Variants in CDH13 observed in about 807,000 individuals in gnomAD.
CDH13 encodes cadherin 13, also known as cadherin-13.
Under a neutral mutation model 63.8 loss-of-function variants are expected in CDH13, and 24 were observed. The observed-to-expected ratio is 0.38, with a 90% CI of 0.27 to 0.53. CDH13 has a LOEUF of 0.53. CDH13 is among the 20% of genes least tolerant of loss of function. The pLI is 0.85. For synonymous variants in CDH13, 503 were observed against 355.3 expected (o/e 1.42, Z -4.67); for missense variants, 1,049 against 903.1 (o/e 1.16, Z -2.07).
chr16:83,203,056 C>T lies in CDH13; in HGVS notation c.484-14289C>T, dbSNP rs149301551. Among the ~76,000 whole-genome samples the T allele has an allele frequency of 2.1e-4, 32 of 152,052 alleles. 1 individual carries two copies. The highest frequency in any genetic ancestry group is 7.0e-4 in the African/African-American group (29 of 41,448). On this transcript the variant is annotated intron_variant, in intron 4 of 13. Coordinates refer to ENST00000567109, the MANE Select transcript of CDH13 (RefSeq NM_001257.5). The stretch of plus-strand genomic sequence containing the variant: ...GCCTGACCACCATGGAGAAACCCAT[C>T]TCTACTGAAAATACAAAATTAGCCA...
chr16:83,372,681 G>A (rs2091391090), intron 6 of CDH13, among the ~76,000 whole-genome samples: 1 of 150,554 alleles, frequency 6.6e-6, no homozygotes, highest in Non-Finnish European at 1.5e-5. Context: ...GAATCCGGGA[G>A]GCAGAGGTTG....
At chr16:83,477,174 G>T (rs1045583491) in intron 6 of CDH13, among the ~76,000 whole-genome samples, 1 of 152,198 alleles carries the variant, frequency 6.6e-6, no homozygotes, top group East Asian at 1.9e-4. Flanking sequence ...TAATCACAAG[G>T]TGGTCCTGTT....
chr16:83,722,655 C>G (rs1408909905), intron 10 of CDH13, among the ~76,000 whole-genome samples: 1 of 152,214 alleles, frequency 6.6e-6, no homozygotes, highest in Non-Finnish European at 1.5e-5. Context: ...ACTGAGCCAA[C>G]TGCACTGATG....
intron 1 of CDH13, among the ~76,000 whole-genome samples, chr16:82,813,096 G>T (rs1198859197): frequency 6.6e-6 from 1 of 152,120 alleles, no homozygotes; most frequent in African/African-American, 2.4e-5. Flanking sequence ...AGCCTTTTCT[G>T]GTTACAGAAG....
At chr16:83,620,867 C>T (rs1286542420) in intron 8 of CDH13, among the ~76,000 whole-genome samples, 3 of 152,146 alleles carry the variant, frequency 2.0e-5, no homozygotes, top group Non-Finnish European at 4.4e-5. Context: ...TCGTGAGTTT[C>T]TGTGAAAAGC....
At chr16:83,693,433 C>G (rs754813824) in intron 10 of CDH13, among the ~76,000 whole-genome samples, 1 of 152,152 alleles carries the variant, frequency 6.6e-6, no homozygotes, top group Non-Finnish European at 1.5e-5. Context: ...GGGTGTTTTT[C>G]TAGAATATTT....
intron 1 of CDH13, chr16:82,646,380 G>C (rs189053753): frequency 3.9e-4 from 59 of 152,236 alleles, no homozygotes; most frequent in African/African-American, 1.4e-3. Context: ...TTTTCATTGA[G>C]ATGGGGTTTG....
intron 1 of CDH13, among the ~76,000 whole-genome samples, chr16:82,814,391 C>T (rs1448885855): frequency 6.6e-6 from 1 of 152,152 alleles, no homozygotes; most frequent in African/African-American, 2.4e-5. Flanking sequence ...GGGCTTTCAT[C>T]ATCCACCCCA....
rs113396134 is a variant in CDH13 at position 82,876,607 on chromosome 16, T to C, written c.157+18134T>C. Among the ~76,000 whole-genome samples, 57 of 152,254 alleles carry C rather than the reference T, an allele frequency of 3.7e-4. 2 individuals carry two copies. The highest frequency in any genetic ancestry group is 3.3e-3 in the South Asian group (16 of 4,820). Reference sequence around the variant, plus strand: ...CTCGTCATGGGCCCCTAACAAGAGGTTGGGCATTGGTCTGTGGACCACACA... The same window carrying C: ...CTCGTCATGGGCCCCTAACAAGAGGCTGGGCATTGGTCTGTGGACCACACA... On this transcript the variant is annotated intron_variant, in intron 2 of 13. Transcript: ENST00000567109.
intron 8 of CDH13, among the ~76,000 whole-genome samples, chr16:83,658,899 C>G (rs1774431458): frequency 7.0e-6 from 1 of 143,702 alleles, no homozygotes; most frequent in African/African-American, 2.6e-5. Context: ...GTCCCGTATC[C>G]TCACCAGCAA....
intron 2 of CDH13, among the ~76,000 whole-genome samples, chr16:82,881,617 C>T (rs972129669): frequency 6.6e-6 from 1 of 152,184 alleles, no homozygotes; most frequent in Non-Finnish European, 1.5e-5. Flanking sequence ...CATAGTCCTT[C>T]CGTCCTGAAA....
At chr16:83,215,481 T>G (rs1253093551) in intron 4 of CDH13, among the ~76,000 whole-genome samples, 1 of 130,170 alleles carries the variant, frequency 7.7e-6, no homozygotes. Context: ...TGTATTTTAA[T>G]AAACAACATT....
intron 7 of CDH13, among the ~76,000 whole-genome samples, chr16:83,542,811 T>A (rs2069264211): frequency 6.6e-6 from 1 of 152,252 alleles, no homozygotes; most frequent in Non-Finnish European, 1.5e-5. Flanking sequence ...AATTTCTCAT[T>A]TTTATAAGAA....
At chr16:82,964,664 T>TA (rs1214353759) in intron 2 of CDH13, among the ~76,000 whole-genome samples, 5 of 152,246 alleles carry the variant, frequency 3.3e-5, no homozygotes, top group African/African-American at 1.2e-4. Context: ...AAAATATATG[T>TA]AAAGCTTCCA....
At chr16:83,216,693 G>T (rs1214222954) in intron 4 of CDH13, among the ~76,000 whole-genome samples, 1 of 144,960 alleles carries the variant, frequency 6.9e-6, no homozygotes, top group African/African-American at 2.5e-5. Flanking sequence ...CTAAATTGAG[G>T]TATCTATATA....
At chr16:83,060,135 A>T (rs2031394144) in intron 3 of CDH13, among the ~76,000 whole-genome samples, 1 of 151,978 alleles carries the variant, frequency 6.6e-6, no homozygotes, top group Non-Finnish European at 1.5e-5. Context: ...TGGCTTCAAA[A>T]ATTCCCAACT....
intron 3 of CDH13, among the ~76,000 whole-genome samples, chr16:83,092,053 C>G (rs2033938357): frequency 1.3e-5 from 2 of 152,228 alleles, no homozygotes; most frequent in Admixed American, 1.3e-4. Flanking sequence ...TTCTAATTCA[C>G]TTGACATTAT....
At chr16:83,773,009 G>C (rs1288486679) in intron 11 of CDH13, 2 of 152,242 alleles carry the variant, frequency 1.3e-5, no homozygotes, top group African/African-American at 4.8e-5. Flanking sequence ...AAAAGTACTG[G>C]AAGATGTTTG....
At chr16:83,447,241 C>T (rs763482459) in intron 6 of CDH13, among the ~76,000 whole-genome samples, 24 of 150,752 alleles carry the variant, frequency 1.6e-4, no homozygotes, top group African/African-American at 5.6e-4. Context: ...ATGGTGAAAC[C>T]CCATCTCTAC....
Sources: gnomAD v4.1 joint callset for allele counts (sites outside exome capture counted in the v4.1 genomes callset) on GRCh38, gnomAD v4.1.1 for gene constraint, MANE v1.5 for transcripts, NCBI Gene and HGNC (gene_info 2026-07-23, HGNC 2026-07-21) for gene names.